STAT5B: variants seen among roughly 807,000 people sequenced by gnomAD.
The protein encoded by STAT5B is transcription factor STAT5B.
In STAT5B, 21 loss-of-function variants were observed where a neutral mutation model predicts 107.8. The ratio of observed to expected loss-of-function variants is 0.19; its 90% confidence interval spans 0.14 to 0.28. The LOEUF (loss-of-function observed/expected upper bound fraction) is 0.28, where lower values mean the gene tolerates loss of function less well. Among genes scored for constraint, STAT5B ranks in the 10% least tolerant of loss-of-function variants. The pLI is 1.00. For synonymous variants in STAT5B, 325 were observed against 401.7 expected, an observed-to-expected ratio of 0.81 and a Z score of 2.28; for missense variants, 565 against 1,008.2, an observed-to-expected ratio of 0.56 and a Z score of 5.95.
intron 13 of STAT5B, among the ~76,000 whole-genome samples, chr17:42,211,303 T>C (rs1186505640): frequency 6.6e-6 from 1 of 151,462 alleles, no homozygotes; most frequent in Non-Finnish European, 1.5e-5. Context: ...AGGTCGGGAG[T>C]TCGAGACCAG....
chr17:42,208,663 C>T (rs1487100956), intron 15 of STAT5B, among the ~76,000 whole-genome samples: 2 of 151,980 alleles, frequency 1.3e-5, no homozygotes, highest in Non-Finnish European at 2.9e-5. Context: ...CCTGATTTCC[C>T]ATACAAAGAT....
In STAT5B at chr17:42,267,042, C is replaced by T. The variant is rs137952674; in HGVS notation, c.-11+9206G>A. Among the ~76,000 whole-genome samples the T allele has an allele frequency of 6.0e-4, 92 of 152,180 alleles. 1 individual carries two copies. Among genetic ancestry groups the T allele is most frequent in the Non-Finnish European group, 1.0e-3 (69 of 68,012 alleles). The stretch of plus-strand genomic sequence containing the variant: ...ACTGTGGTCCCATAAGATAATAAAA[C>T]GTAGCTGAAAAATTCCTATCCTCTA... On this transcript the variant is annotated intron_variant, in intron 1 of 18. Coordinates refer to ENST00000293328, the MANE Select transcript of STAT5B (RefSeq NM_012448.4).
intron 12 of STAT5B, chr17:42,214,738 C>T (rs2080156785): frequency 1.2e-6 from 1 of 835,762 alleles, no homozygotes; most frequent in South Asian, 5.5e-5. Flanking sequence ...TAACAAATGA[C>T]CTTTGCCTAC....
At chr17:42,262,690 C>T (rs2080609417) in intron 1 of STAT5B, among the ~76,000 whole-genome samples, 1 of 149,084 alleles carries the variant, frequency 6.7e-6, no homozygotes, top group Admixed American at 6.8e-5. Context: ...AAAACAAACT[C>T]AACCATTTTT....
intron 1 of STAT5B, among the ~76,000 whole-genome samples, chr17:42,239,001 G>A (rs1380982897): frequency 6.6e-6 from 1 of 151,126 alleles, no homozygotes; most frequent in Non-Finnish European, 1.5e-5. Context: ...TGTAATCCCA[G>A]CACTCTGGGA....
intron 1 of STAT5B, among the ~76,000 whole-genome samples, chr17:42,268,980 AATGTAAC>A (rs2080698448): frequency 5.3e-5 from 8 of 152,216 alleles, no homozygotes; most frequent in Admixed American, 5.2e-4. Context: ...GACATGTATG[AATGTAAC>A]TTAACATTTA....
intron 1 of STAT5B, chr17:42,270,513 A>T (rs527967567): frequency 6.6e-6 from 1 of 152,338 alleles, no homozygotes; most frequent in African/African-American, 2.4e-5. Context: ...AAGACAACTT[A>T]TAATAAAAAT....
upstream of STAT5B, chr17:42,276,429 C>T (rs1239482529): frequency 2.0e-5 from 3 of 147,072 alleles, no homozygotes; most frequent in Non-Finnish European, 4.5e-5. The surrounding 1 kb of genome is among the most constrained non-coding windows in gnomAD (Gnocchi z 4.8). Flanking sequence ...GGCGCGCGCG[C>T]CGCTCACGCG....
intron 15 of STAT5B, 111 bp from the exon 16 acceptor site, chr17:42,207,839 A>G (rs2080098707): frequency 4.7e-6 from 5 of 1,066,816 alleles, no homozygotes; most frequent in Non-Finnish European, 5.5e-6. Flanking sequence ...GCTCCAATAG[A>G]AATCTCCATT....
Position 42,200,406 on chromosome 17 carries a change from T to G in STAT5B, c.*1332A>C, listed in dbSNP as rs1222166766. ...CCACTACCTGCTGTAGCCCATTCCT[T>G]CCTTCTGGTGTAAAGCTACAGAAGA... On this transcript the variant is annotated 3_prime_UTR_variant, in exon 19 of 19. Coordinates refer to ENST00000293328, the MANE Select transcript of STAT5B (RefSeq NM_012448.4). 6.6e-6 allele frequency: 1 copy of G among 152,574 alleles called. No homozygotes were observed. Among genetic ancestry groups the G allele is most frequent in the Admixed American group, 6.6e-5 (1 of 15,260 alleles). The allele number at this position is 152,574 out of a possible 1,614,324, so 9.5% of individuals were successfully genotyped here. A position where few individuals can be genotyped will look rare whatever the true frequency, so the allele number is the denominator to read the frequency against.
intron 8 of STAT5B, 54 bp downstream of exon 8, chr17:42,218,669 A>G: frequency 6.2e-7 from 1 of 1,612,012 alleles, no homozygotes; most frequent in Non-Finnish European, 8.5e-7. Flanking sequence ...GGCTCCCCCC[A>G]CGCAGGCAGG....
chr17:42,254,788 T>C (rs1426468796), intron 1 of STAT5B, among the ~76,000 whole-genome samples: 1 of 151,804 alleles, frequency 6.6e-6, no homozygotes, highest in Non-Finnish European at 1.5e-5. Flanking sequence ...AATAGAAAAT[T>C]TTTAAAAATG....
At chr17:42,242,359 G>A (rs1384634675) in intron 1 of STAT5B, among the ~76,000 whole-genome samples, 1 of 152,090 alleles carries the variant, frequency 6.6e-6, no homozygotes, top group Admixed American at 6.6e-5. Flanking sequence ...CAGTTGTTGG[G>A]GAACAGCATT....
chr17:42,263,241 GA>G (rs1214633605), intron 1 of STAT5B, among the ~76,000 whole-genome samples: 4 of 150,246 alleles, frequency 2.7e-5, no homozygotes, highest in South Asian at 2.1e-4. Flanking sequence ...CGAAGCACAG[GA>G]AATAACACAG....
At chr17:42,257,877 T>C (rs910205139) in intron 1 of STAT5B, among the ~76,000 whole-genome samples, 1 of 152,214 alleles carries the variant, frequency 6.6e-6, no homozygotes, top group Non-Finnish European at 1.5e-5. Context: ...AAAATGTCCA[T>C]GTGTTTCTTA....
At chr17:42,224,965 A>G (rs930165029) in intron 3 of STAT5B, 97 bp from the exon 4 acceptor site, 50 of 1,168,534 alleles carry the variant, frequency 4.3e-5, no homozygotes, top group Non-Finnish European at 6.1e-5. Flanking sequence ...GACCTCCTGA[A>G]TCACAGGAGG....
chr17:42,202,209 C>A, intron 18 of STAT5B, 131 bp downstream of exon 18: 1 of 1,104,402 alleles, frequency 9.1e-7, no homozygotes, highest in Admixed American at 2.3e-5. Flanking sequence ...AAGGCCAGAG[C>A]CCGGGCCAGG....
chr17:42,202,907 CCTAACTTAT>C, intron 16 of STAT5B, 99 bp from the exon 17 acceptor site: 1 of 1,444,654 alleles, frequency 6.9e-7, no homozygotes, highest in Non-Finnish European at 9.7e-7. Context: ...AACACAACCA[CCTAACTTAT>C]CTAAGGATAT....
At chr17:42,279,728 G>C (rs1321122142), upstream of STAT5B, among the ~76,000 whole-genome samples, 1 of 151,932 alleles carries the variant, frequency 6.6e-6, no homozygotes, top group Non-Finnish European at 1.5e-5. Flanking sequence ...TTGAAACTGG[G>C]AGGCGGAGGT....
Sources: gnomAD v4.1 joint callset for allele counts (sites outside exome capture counted in the v4.1 genomes callset) on GRCh38, gnomAD v4.1.1 for gene constraint, Gnocchi (gnomAD v3.1) non-coding constraint, MANE v1.5 for transcripts, NCBI Gene and HGNC (gene_info 2026-07-23, HGNC 2026-07-21) for gene names.